Variants in BDP1 observed in about 807,000 individuals in gnomAD.
BDP1 encodes the protein BDP1 general transcription factor IIIB subunit.
BDP1 carries 169 observed loss-of-function variants against 266.6 expected under a neutral mutation model. That is an observed-to-expected ratio of 0.63 (90% confidence interval 0.56 to 0.72). BDP1 has a LOEUF of 0.72. Among genes scored for constraint, BDP1 ranks in the 30% least tolerant of loss-of-function variants. The probability of loss-of-function intolerance (pLI) is 0.00; values close to 1 mark genes in which losing one functional copy is unlikely to be tolerated. For missense variants in BDP1, 3,015 were observed against 3,053.8 expected, an observed-to-expected ratio of 0.99 and a Z score of 0.30; for synonymous variants, 1,090 against 1,022.4, an observed-to-expected ratio of 1.07 and a Z score of -1.26.
chr5:71,493,575 G>A lies in BDP1; in HGVS notation c.1641-1675G>A, dbSNP rs140908027. Among the ~76,000 whole-genome samples the A allele has an allele frequency of 5.1e-3, 774 of 152,286 alleles. 7 individuals are homozygous for A. Among genetic ancestry groups the A allele is most frequent in the African/African-American group, 0.017 (724 of 41,570 alleles). The stretch of plus-strand genomic sequence containing the variant: ...AAACAACCTTGTAATGACTGTTAAA[G>A]TCCCAGTTGGTTTTGGAAAACAAAG... On this transcript the variant is annotated intron_variant, in intron 11 of 38. Coordinates refer to ENST00000358731, the MANE Select transcript of BDP1 (RefSeq NM_018429.3).
intron 8 of BDP1, among the ~76,000 whole-genome samples, chr5:71,484,216 G>T: frequency 6.6e-6 from 1 of 152,148 alleles, no homozygotes; most frequent in Non-Finnish European, 1.5e-5. Context: ...CTGGAAGACA[G>T]TACTATTAGT....
intron 34 of BDP1, among the ~76,000 whole-genome samples, chr5:71,552,766 A>G (rs1014892896): frequency 6.6e-6 from 1 of 152,280 alleles, no homozygotes; most frequent in Admixed American, 6.5e-5. Context: ...CCGAGATGGC[A>G]GCAGTACAGT....
At chr5:71,557,834 G>A (rs1743334954) in intron 36 of BDP1, among the ~76,000 whole-genome samples, 1 of 151,948 alleles carries the variant, frequency 6.6e-6, no homozygotes, top group African/African-American at 2.4e-5. Context: ...CACCACCTGT[G>A]GCCTATAATG....
Position 71,564,959 on chromosome 5 carries a change from T to C in BDP1, c.*74T>C, listed in dbSNP as rs1743939219. ...AGTCAATTACATCAACAAAACAGTA[T>C]TTAGAGCAAAATATCACTGTCTTAT... On this transcript the variant is annotated 3_prime_UTR_variant, in exon 39 of 39. Coordinates refer to ENST00000358731, the MANE Select transcript of BDP1 (RefSeq NM_018429.3). 1 of 1,349,872 alleles carries C rather than the reference T, an allele frequency of 7.4e-7. No homozygotes were observed. Among genetic ancestry groups the C allele is most frequent in the Admixed American group, 2.4e-5 (1 of 41,902 alleles). The allele number at this position is 1,349,872 out of a possible 1,614,324, so 83.6% of individuals were successfully genotyped here. A position where few individuals can be genotyped will look rare whatever the true frequency, so the allele number is the denominator to read the frequency against.
In BDP1 at chr5:71,512,353, A is replaced by G; in HGVS notation, c.4172A>G (p.His1391Arg). ...FSHFKISSQT[H>R]ESDKTEVQGI... ...CATTTCAAGATTTCTTCACAGACTC[A>G]TGAATCTGATAAAACAGAAGTCCAG... The change falls in exon 18 of 39, where the codon CAT becomes CGT. Residue 1391 changes from histidine to arginine, a missense_variant. Transcript: ENST00000358731. 7 of 1,597,126 alleles carry G rather than the reference A, an allele frequency of 4.4e-6. No homozygotes were observed. Among genetic ancestry groups the G allele is most frequent in the South Asian group, 3.4e-5 (3 of 87,004 alleles).
chr5:71,516,416 T>C (rs1403413091), intron 21 of BDP1, 145 bp downstream of exon 21: 4 of 604,230 alleles, frequency 6.6e-6, no homozygotes, highest in Admixed American at 3.5e-5. Context: ...AGATTTGCTC[T>C]TCTGGATTTT....
intron 35 of BDP1, among the ~76,000 whole-genome samples, chr5:71,555,374 G>A (rs986644480): frequency 1.3e-5 from 2 of 150,276 alleles, no homozygotes; most frequent in Middle Eastern, 3.2e-3. Flanking sequence ...TTTCTTTTAT[G>A]TTGATTCACC....
chr5:71,455,898 T>C lies in BDP1; in HGVS notation c.21T>C (p.Leu7=), dbSNP rs576382750. 6.3e-7 allele frequency: 1 copy of C among 1,599,562 alleles called. No individual in the cohort carries two copies. Residue 7 remains leucine, a synonymous_variant, in exon 1 of 39, where the codon CTT becomes CTC. Transcript: ENST00000358731. The stretch of plus-strand genomic sequence containing the variant: ...CCGCCATGTTCCGCAGGGCACGCCT[T>C]AGCGTGAAGCCGAATGTCAGGCCTG... MFRRAR[L]SVKPNVRPGV...
At chr5:71,539,714 C>A in intron 28 of BDP1, 65 bp downstream of exon 28, 1 of 1,097,836 alleles carries the variant, frequency 9.1e-7, no homozygotes. Context: ...AGAAATTATA[C>A]CCACATTTGA....
intron 25 of BDP1, among the ~76,000 whole-genome samples, chr5:71,529,402 C>T (rs1198001657): frequency 4.6e-5 from 7 of 151,078 alleles, no homozygotes; most frequent in Non-Finnish European, 8.8e-5. Flanking sequence ...AAAACAAAAG[C>T]ATTGAAAGGC....
At chr5:71,529,184 G>A (rs1404377108) in intron 25 of BDP1, among the ~76,000 whole-genome samples, 5 of 152,062 alleles carry the variant, frequency 3.3e-5, no homozygotes, top group African/African-American at 1.2e-4. Context: ...GAGGTCAGGA[G>A]TTCGAGACCA....
At chr5:71,574,296 G>C in the BDP1 span, among the ~76,000 whole-genome samples, 1 of 152,168 alleles carries the variant, frequency 6.6e-6, no homozygotes, top group Non-Finnish European at 1.5e-5. Flanking sequence ...CTTTGTCCTC[G>C]CTGTAACAAA....
chr5:71,549,704 T>C, intron 34 of BDP1, 98 bp downstream of exon 34: 2 of 961,176 alleles, frequency 2.1e-6, no homozygotes, highest in Non-Finnish European at 2.9e-6. Flanking sequence ...TAGTTGTTAT[T>C]GTTGTGGAGA....
intron 7 of BDP1, among the ~76,000 whole-genome samples, chr5:71,473,730 C>T (rs1326159627): frequency 6.6e-6 from 1 of 151,926 alleles, no homozygotes; most frequent in Non-Finnish European, 1.5e-5. Context: ...GCACAACGTG[C>T]AGATTTGTTA....
At chr5:71,470,257 T>A (rs1272127204) in intron 6 of BDP1, 138 bp from the exon 7 acceptor site, 15 of 647,802 alleles carry the variant, frequency 2.3e-5, no homozygotes, top group Non-Finnish European at 3.7e-5. Context: ...AAAGTTTTTA[T>A]TTATAATAAG....
At chr5:71,491,187 G>A (rs1763569808) in intron 11 of BDP1, 56 bp downstream of exon 11, 14 of 1,518,340 alleles carry the variant, frequency 9.2e-6, no homozygotes, top group Non-Finnish European at 1.2e-5. Context: ...TGAGAAAGGA[G>A]TGTTGAAGTC....
intron 16 of BDP1, among the ~76,000 whole-genome samples, chr5:71,507,273 G>A (rs758939680): frequency 6.6e-6 from 1 of 152,086 alleles, no homozygotes; most frequent in Non-Finnish European, 1.5e-5. Flanking sequence ...TGTGATCTGA[G>A]GAAAGTTCGT....
chr5:71,504,240 T>A (rs1764434149), intron 15 of BDP1, among the ~76,000 whole-genome samples: 2 of 139,240 alleles, frequency 1.4e-5, no homozygotes, highest in South Asian at 4.5e-4. Flanking sequence ...ACCACTGCAC[T>A]CCAGCCTGGG....
intron 34 of BDP1, among the ~76,000 whole-genome samples, chr5:71,551,957 C>A (rs1240799718): frequency 3.4e-5 from 5 of 146,820 alleles, no homozygotes; most frequent in African/African-American, 1.0e-4. Context: ...GGGGGCTGAC[C>A]CCCCCACCTC....
Sources: gnomAD v4.1 joint callset for allele counts (sites outside exome capture counted in the v4.1 genomes callset) on GRCh38, gnomAD v4.1.1 for gene constraint, MANE v1.5 for transcripts, NCBI Gene and HGNC (gene_info 2026-07-23, HGNC 2026-07-21) for gene names.